The following DNAH9 variants were observed in gnomAD, a reference collection of about 807,000 sequenced individuals.
DNAH9 encodes DNAH9 variant protein.
A neutral mutation model predicts 471.6 loss-of-function variants in DNAH9; 345 were observed. The observed-to-expected ratio is 0.73, with a 90% CI of 0.67 to 0.80. DNAH9 has a LOEUF of 0.80. Ranked by LOEUF, DNAH9 falls within the 30% of genes least tolerant of loss-of-function variation. The pLI is 0.00. For missense variants in DNAH9, 5,407 were observed against 5,609.2 expected (o/e 0.96, Z 1.15); for synonymous variants, 2,093 against 2,123.6 (o/e 0.99, Z 0.40).
intron 28 of DNAH9, among the ~76,000 whole-genome samples, chr17:11,736,577 T>C (rs1293678837): frequency 6.6e-6 from 1 of 152,182 alleles, no homozygotes; most frequent in African/African-American, 2.4e-5. Context: ...TATGTTCCAG[T>C]GATTTGCTCT....
intron 41 of DNAH9, among the ~76,000 whole-genome samples, chr17:11,787,652 T>C (rs751670361): frequency 1.1e-4 from 17 of 152,198 alleles, no homozygotes; most frequent in Non-Finnish European, 2.4e-4. Context: ...TGCTCTCATA[T>C]GGTTTGGCTC....
At chr17:11,624,246 C>T (rs141537558) in intron 6 of DNAH9, among the ~76,000 whole-genome samples, 2,117 of 152,300 alleles carry the variant, frequency 0.014, 27 homozygotes, top group Middle Eastern at 0.044. Flanking sequence ...CAGTGGCTTA[C>T]GCCTGTAATC....
At chr17:11,836,060 T>G (rs1233021384) in intron 49 of DNAH9, among the ~76,000 whole-genome samples, 1 of 152,214 alleles carries the variant, frequency 6.6e-6, no homozygotes, top group East Asian at 1.9e-4. Flanking sequence ...TTGAAGTCCC[T>G]CCTTCCATAT....
chr17:11,903,794 C>T (rs907587398), intron 60 of DNAH9, among the ~76,000 whole-genome samples: 5 of 152,010 alleles, frequency 3.3e-5, no homozygotes, highest in African/African-American at 1.2e-4. Context: ...TCCTGTAGTC[C>T]CAGCTACTTA....
chr17:11,818,468 G>C (rs1001758955), intron 45 of DNAH9, among the ~76,000 whole-genome samples: 2 of 151,280 alleles, frequency 1.3e-5, no homozygotes, highest in Non-Finnish European at 2.9e-5. Flanking sequence ...TGGGATATAA[G>C]ATGGCCCAAA....
At chr17:11,666,418 G>A (rs574087231) in intron 15 of DNAH9, among the ~76,000 whole-genome samples, 1 of 152,316 alleles carries the variant, frequency 6.6e-6, no homozygotes, top group East Asian at 1.9e-4. Context: ...GGGACCAGGG[G>A]ATGGAGAGAA....
At chr17:11,952,979 C>T (rs1208060175) in intron 67 of DNAH9, among the ~76,000 whole-genome samples, 1 of 152,112 alleles carries the variant, frequency 6.6e-6, no homozygotes, top group East Asian at 1.9e-4. Context: ...CCTCAAATGG[C>T]AGGGAGGCAG....
chr17:11,632,090 T>G (rs1250471312), intron 7 of DNAH9, among the ~76,000 whole-genome samples: 1 of 152,206 alleles, frequency 6.6e-6, no homozygotes, highest in Non-Finnish European at 1.5e-5. Context: ...TCTTAACCAA[T>G]TAAGAAGGAT....
chr17:11,636,469 A>G (rs990990539), intron 8 of DNAH9, among the ~76,000 whole-genome samples, 165 bp from the exon 9 acceptor site: 7 of 152,238 alleles, frequency 4.6e-5, no homozygotes, highest in African/African-American at 1.2e-4. Flanking sequence ...AAGACTATGA[A>G]TATCATCCAC....
In DNAH9 at chr17:11,783,736, C is replaced by T. The variant is rs759084406; in HGVS notation, c.7809C>T (p.Asn2603=). The change falls in exon 40 of 69, where the codon AAC becomes AAT. Residue 2603 remains asparagine (N), a synonymous_variant. Coordinates refer to ENST00000262442, the MANE Select transcript of DNAH9 (RefSeq NM_001372.4). ...MNPTAGSFTI[N]PRLQRHFSVF... ...CCACGGCAGGCAGCTTCACCATCAA[C>T]CCCCGGCTTCAGGTACAGGAGGAGC... The T allele has an allele frequency of 3.7e-6, 6 of 1,613,884 alleles. No individual in the cohort carries two copies. Among genetic ancestry groups the T allele is most frequent in the South Asian group, 1.1e-5 (1 of 91,058 alleles).
chr17:11,952,882 C>T (rs779339915), intron 67 of DNAH9, among the ~76,000 whole-genome samples: 7 of 152,136 alleles, frequency 4.6e-5, no homozygotes, highest in South Asian at 4.1e-4. Context: ...GTTGTGGAGG[C>T]TCAAAGTCTA....
intron 39 of DNAH9, among the ~76,000 whole-genome samples, chr17:11,782,315 T>C (rs971909081): frequency 6.6e-6 from 1 of 152,234 alleles, no homozygotes; most frequent in African/African-American, 2.4e-5. Flanking sequence ...TTCTACCATA[T>C]GGCCTTAGTA....
At position 11,641,644 on chromosome 17, in the gene DNAH9, G is replaced by T. The variant is rs574671972; in HGVS notation, c.1901+1260G>T. Among the ~76,000 whole-genome samples, 7 of 152,190 alleles carry T rather than the reference G, an allele frequency of 4.6e-5. No homozygotes were observed. In the East Asian group the frequency reaches 1.4e-3, roughly 30 times the overall value. ...AGCCCTGGAAGTTTGGCGGGGAGTA[G>T]ATCTGAGCCCTCATGCATCTCAATC... On this transcript the variant is annotated intron_variant, in intron 10 of 68. Transcript: ENST00000262442.
intron 49 of DNAH9, among the ~76,000 whole-genome samples, chr17:11,849,707 C>T (rs1971346808): frequency 6.6e-6 from 1 of 152,202 alleles, no homozygotes; most frequent in East Asian, 1.9e-4. Context: ...GGCATCATCA[C>T]ATTCCAAGAA....
rs183143294 is a variant in DNAH9, at chr17:11,894,931, G to T, written c.11406+435G>T. 1.4e-3 allele frequency among the ~76,000 whole-genome samples: 207 copies of T among 152,324 alleles called. 1 individual carries two copies. Among genetic ancestry groups the T allele is most frequent in the African/African-American group, 4.7e-3 (196 of 41,562 alleles). ...AGACTCAAAGCAGGAGTGCATTTCA[G>T]CCTGGGATGCTCAGCAGTTAATAAC... On this transcript the variant is annotated intron_variant, in intron 59 of 68. Coordinates refer to ENST00000262442, the MANE Select transcript of DNAH9 (RefSeq NM_001372.4).
intron 45 of DNAH9, among the ~76,000 whole-genome samples, chr17:11,811,325 A>G (rs1055881533): frequency 2.6e-5 from 4 of 152,112 alleles, no homozygotes; most frequent in African/African-American, 7.2e-5. Context: ...TTTAAAAAAA[A>G]AAAAAGAAAA....
intron 41 of DNAH9, among the ~76,000 whole-genome samples, chr17:11,788,486 TC>T (rs1264928899): frequency 1.8e-4 from 28 of 152,192 alleles, no homozygotes; most frequent in African/African-American, 6.5e-4. Context: ...CCTGATGTTC[TC>T]CTTTGCACCT....
At chr17:11,897,470 C>T (rs566335519) in intron 59 of DNAH9, among the ~76,000 whole-genome samples, 80 of 152,354 alleles carry the variant, frequency 5.3e-4, no homozygotes, top group African/African-American at 1.9e-3. Context: ...ACTTGGGAGT[C>T]ACTCATGGCC....
chr17:11,670,190 G>A (rs1192697299), intron 17 of DNAH9, among the ~76,000 whole-genome samples: 1 of 152,092 alleles, frequency 6.6e-6, no homozygotes, highest in Non-Finnish European at 1.5e-5. Flanking sequence ...TATCCAGCTG[G>A]GCAATATGGA....
Sources: allele counts gnomAD v4.1 joint callset (sites outside exome capture counted in the v4.1 genomes callset), GRCh38; gene constraint gnomAD v4.1.1; transcripts MANE v1.5; gene names NCBI Gene and HGNC (gene_info 2026-07-23, HGNC 2026-07-21).